Variants in HEMK2 observed in about 807,000 individuals in gnomAD.
The protein encoded by HEMK2 is HemK methyltransferase 2, ETF1 glutamine and histone H4 lysine.
chr21:28,641,735 C>A, the HEMK2 span, among the ~76,000 whole-genome samples: 1 of 152,180 alleles, frequency 6.6e-6, no homozygotes, highest in Admixed American at 6.5e-5. Context: ...ATAAGTGAAG[C>A]ACAGAGATAC....
chr21:28,881,907 G>T, the HEMK2 span, among the ~76,000 whole-genome samples: 1 of 152,090 alleles, frequency 6.6e-6, no homozygotes, highest in South Asian at 2.1e-4. Context: ...CAGAGTACTG[G>T]GATTAAAGGC....
the HEMK2 span, among the ~76,000 whole-genome samples, chr21:28,662,572 G>A: frequency 1.3e-5 from 2 of 152,122 alleles, no homozygotes; most frequent in South Asian, 2.1e-4. Context: ...TATAATTCTC[G>A]TGTGTCGTGG....
At chr21:28,704,356 T>C in the HEMK2 span, among the ~76,000 whole-genome samples, 1 of 152,174 alleles carries the variant, frequency 6.6e-6, no homozygotes, top group Non-Finnish European at 1.5e-5. Flanking sequence ...ATTTCCTAAG[T>C]GCCCTGAGAC....
chr21:28,804,776 A>T, the HEMK2 span, among the ~76,000 whole-genome samples: 3 of 152,226 alleles, frequency 2.0e-5, no homozygotes, highest in African/African-American at 7.2e-5. Context: ...GCCACATGGC[A>T]TGTGCACATT....
the HEMK2 span, among the ~76,000 whole-genome samples, chr21:28,637,590 T>C: frequency 6.6e-6 from 1 of 152,176 alleles, no homozygotes; most frequent in Non-Finnish European, 1.5e-5. Context: ...AGCAAAAAAC[T>C]TTCAGTCAAC....
the HEMK2 span, among the ~76,000 whole-genome samples, chr21:28,701,143 T>C: frequency 6.6e-6 from 1 of 152,024 alleles, no homozygotes; most frequent in African/African-American, 2.4e-5. Context: ...AGGAACATAC[T>C]TCAAAATAGT....
chr21:28,700,048 G>A, the HEMK2 span, among the ~76,000 whole-genome samples: 1 of 152,136 alleles, frequency 6.6e-6, no homozygotes, highest in Non-Finnish European at 1.5e-5. Context: ...CAGACCAACA[G>A]TCCCTGGCCA....
the HEMK2 span, among the ~76,000 whole-genome samples, chr21:28,758,051 A>G: frequency 6.6e-6 from 1 of 152,200 alleles, no homozygotes; most frequent in Non-Finnish European, 1.5e-5. Context: ...TTAGGGGCAG[A>G]GGATGTATAA....
chr21:28,789,506 T>TA, the HEMK2 span, among the ~76,000 whole-genome samples: 18 of 152,272 alleles, frequency 1.2e-4, no homozygotes, highest in African/African-American at 4.1e-4. Flanking sequence ...AAAGATAAAA[T>TA]AAAATCATCC....
chr21:28,737,989 T>TGAAAA, the HEMK2 span, among the ~76,000 whole-genome samples: 1 of 152,204 alleles, frequency 6.6e-6, no homozygotes, highest in Non-Finnish European at 1.5e-5. Context: ...CACTGTGTTT[T>TGAAAA]CATTTGTTTG....
the HEMK2 span, among the ~76,000 whole-genome samples, chr21:28,643,985 G>A: frequency 6.6e-6 from 1 of 152,132 alleles, no homozygotes; most frequent in Non-Finnish European, 1.5e-5. Flanking sequence ...GGTTCCATGG[G>A]CCAAGACTCG....
At chr21:28,701,851 CA>C in the HEMK2 span, among the ~76,000 whole-genome samples, 17 of 151,772 alleles carry the variant, frequency 1.1e-4, no homozygotes, top group African/African-American at 4.1e-4. Context: ...CATATGGAAC[CA>C]AAAAAGAGCT....
At chr21:28,862,368 G>A in the HEMK2 span, among the ~76,000 whole-genome samples, 8 of 121,082 alleles carry the variant, frequency 6.6e-5, 2 homozygotes, top group Middle Eastern at 8.5e-3. Context: ...CGCCGGGCGC[G>A]GTGGGTCATG....
At chr21:28,860,870 A>G in the HEMK2 span, among the ~76,000 whole-genome samples, 9 of 152,342 alleles carry the variant, frequency 5.9e-5, no homozygotes, top group East Asian at 1.7e-3. Context: ...GGGAGTTAAA[A>G]AAGGTTCTAA....
chr21:28,834,003 T>C, the HEMK2 span, among the ~76,000 whole-genome samples: 2 of 152,226 alleles, frequency 1.3e-5, no homozygotes, highest in African/African-American at 4.8e-5. Context: ...TTTTCTCACA[T>C]GGGTTCTTGA....
chr21:28,884,729 G>A, the HEMK2 span, among the ~76,000 whole-genome samples: 3 of 152,078 alleles, frequency 2.0e-5, no homozygotes, highest in African/African-American at 4.8e-5. Flanking sequence ...GCTATTCAGT[G>A]GGTTTAAAAA....
chr21:28,874,794 T>C, the HEMK2 span: 1 of 152,290 alleles, frequency 6.6e-6, no homozygotes, highest in Admixed American at 6.5e-5. Flanking sequence ...TCCAGTTATA[T>C]TGAACTCCCT....
At chr21:28,737,305 AG>A in the HEMK2 span, among the ~76,000 whole-genome samples, 1 of 152,120 alleles carries the variant, frequency 6.6e-6, no homozygotes, top group Non-Finnish European at 1.5e-5. Context: ...TTGTATTTTT[AG>A]TAGAGATGGG....
chr21:28,707,505 C>G, the HEMK2 span, among the ~76,000 whole-genome samples: 2 of 152,064 alleles, frequency 1.3e-5, no homozygotes, highest in East Asian at 3.8e-4. Flanking sequence ...ATCCACCTGC[C>G]TCGGCCTCCC....
Sources: gnomAD v4.1 joint callset for allele counts (sites outside exome capture counted in the v4.1 genomes callset) on GRCh38, gnomAD v4.1.1 for gene constraint, MANE v1.5 for transcripts, NCBI Gene and HGNC (gene_info 2026-07-23, HGNC 2026-07-21) for gene names.